The following IRGM variants were observed in gnomAD, a reference collection of about 807,000 sequenced individuals.
The protein encoded by IRGM is immunity-related GTPase family M protein.
For missense variants in IRGM, 288 were observed against 219.9 expected (o/e 1.31, Z -1.96); for synonymous variants, 98 against 80.6 (o/e 1.22, Z -1.16).
intron 1 of IRGM, among the ~76,000 whole-genome samples, chr5:150,864,066 T>C (rs1032631661): frequency 6.6e-6 from 1 of 152,106 alleles, no homozygotes; most frequent in Non-Finnish European, 1.5e-5. Context: ...CAAATACTAC[T>C]ATGCAATTTC....
At chr5:150,861,109 T>C (rs1485369356) in intron 1 of IRGM, among the ~76,000 whole-genome samples, 1 of 152,164 alleles carries the variant, frequency 6.6e-6, no homozygotes, top group African/African-American at 2.4e-5. Flanking sequence ...AGCTATAACC[T>C]CAGTCACCTG....
chr5:150,897,279 C>T (rs187813422), intron 3 of IRGM: 13 of 251,440 alleles, frequency 5.2e-5, no homozygotes, highest in Admixed American at 1.5e-4. Flanking sequence ...CCCTTTTCAC[C>T]TTTTAATTTC....
intron 3 of IRGM, among the ~76,000 whole-genome samples, chr5:150,893,720 A>G (rs940049919): frequency 6.6e-6 from 1 of 152,174 alleles, no homozygotes; most frequent in African/African-American, 2.4e-5. Flanking sequence ...GGGGAAGCTT[A>G]GTTCCACACA....
rs1261457957 is a variant in IRGM, at chr5:150,848,159, T to TG, written c.39dup (p.Asn14GlufsTer8). Reference sequence around the variant, plus strand: ...TGAATGTTGAGAAAGCCTCAGCAGATGGGAACTTGCCAGAGGTGATCTCTA... The same window carrying TG: ...TGAATGTTGAGAAAGCCTCAGCAGATGGGGAACTTGCCAGAGGTGATCTCTA... On this transcript the variant is annotated frameshift_variant, in exon 2 of 2. Transcript: ENST00000522154. LOFTEE classifies it low-confidence loss of function (END_TRUNC). The TG allele has an allele frequency of 6.5e-7, 1 of 1,550,262 alleles. No homozygotes were observed. Among genetic ancestry groups the TG allele is most frequent in the African/African-American group, 1.4e-5 (1 of 72,964 alleles).
At chr5:150,888,159 A>C (rs1377051585) in intron 3 of IRGM, among the ~76,000 whole-genome samples, 1 of 152,088 alleles carries the variant, frequency 6.6e-6, no homozygotes, top group African/African-American at 2.4e-5. Flanking sequence ...ATTTCAGACA[A>C]GAAAAAACAA....
At chr5:150,856,449 A>G (rs1390289770) in intron 1 of IRGM, among the ~76,000 whole-genome samples, 6 of 152,108 alleles carry the variant, frequency 3.9e-5, no homozygotes, top group Non-Finnish European at 1.5e-5. Flanking sequence ...ATAAATAAAT[A>G]AAAATTATAA....
At chr5:150,866,977 C>G (rs7709388) in intron 1 of IRGM, among the ~76,000 whole-genome samples, 31,132 of 152,034 alleles carry the variant, frequency 0.2, 5,059 homozygotes, top group African/African-American at 0.43. Flanking sequence ...GTACTCATTT[C>G]AGTCACTAAT....
At chr5:150,867,830 G>GT (rs796153462) in intron 1 of IRGM, among the ~76,000 whole-genome samples, 4,988 of 138,992 alleles carry the variant, frequency 0.036, 241 homozygotes, top group African/African-American at 0.12. Flanking sequence ...GGGATTATTT[G>GT]TTTTTTTTTT....
chr5:150,871,585 C>A (rs570175711), intron 1 of IRGM, among the ~76,000 whole-genome samples: 2 of 152,192 alleles, frequency 1.3e-5, no homozygotes, highest in South Asian at 4.1e-4. Flanking sequence ...CAGAGAAGGC[C>A]CCAGACTCCC....
intron 1 of IRGM, among the ~76,000 whole-genome samples, chr5:150,872,463 C>T (rs1045624162): frequency 2.0e-5 from 3 of 152,180 alleles, no homozygotes; most frequent in African/African-American, 7.2e-5. Context: ...TAGAAGCAGG[C>T]CCCTAGAGGT....
At chr5:150,882,280 C>T (rs1754457116) in intron 3 of IRGM, among the ~76,000 whole-genome samples, 2 of 138,520 alleles carry the variant, frequency 1.4e-5, no homozygotes. Flanking sequence ...CACCTAACCA[C>T]TAAAAAAGAT....
At chr5:150,871,418 G>T (rs894340109) in intron 1 of IRGM, among the ~76,000 whole-genome samples, 2 of 152,174 alleles carry the variant, frequency 1.3e-5, no homozygotes, top group African/African-American at 4.8e-5. Flanking sequence ...TTCCTAGGAC[G>T]TTGTCCTTTT....
At chr5:150,895,472 C>T in intron 3 of IRGM, 1 of 1,612,656 alleles carries the variant, frequency 6.2e-7, no homozygotes, top group Non-Finnish European at 8.5e-7. Context: ...TTAGTTGTGA[C>T]TTCTGGATGA....
At chr5:150,857,883 C>T (rs1754080708) in intron 1 of IRGM, among the ~76,000 whole-genome samples, 1 of 151,160 alleles carries the variant, frequency 6.6e-6, no homozygotes, top group Non-Finnish European at 1.5e-5. Flanking sequence ...GTTGCCTGTT[C>T]ACTCTGATGG....
rs148657625 is a variant in IRGM at position 150,871,825 on chromosome 5, A to G, written c.159-6155A>G. Among the ~76,000 whole-genome samples the G allele has an allele frequency of 9.5e-4, 144 of 152,350 alleles. 1 individual carries two copies. The highest frequency in any genetic ancestry group is 3.3e-3 in the African/African-American group (138 of 41,580). On this transcript the variant is annotated intron_variant and NMD_transcript_variant, in intron 1 of 3. Transcript: ENST00000520549. ...GTACTGTAAAAACATCACATTGTCTAACCTCATAATAATTCTCCCGGTTTG... is the reference window on the plus strand; with the variant it reads ...GTACTGTAAAAACATCACATTGTCTGACCTCATAATAATTCTCCCGGTTTG...
chr5:150,875,226 C>T (rs1011943021), intron 1 of IRGM, among the ~76,000 whole-genome samples: 2 of 152,192 alleles, frequency 1.3e-5, no homozygotes, highest in Non-Finnish European at 2.9e-5. Flanking sequence ...GCATGACATG[C>T]AGGCACCACC....
chr5:150,865,821 A>G (rs1359945211), intron 1 of IRGM, among the ~76,000 whole-genome samples: 1 of 152,116 alleles, frequency 6.6e-6, no homozygotes, highest in Non-Finnish European at 1.5e-5. Flanking sequence ...CAGTGGCACA[A>G]TCTTGGCTCA....
intron 1 of IRGM, among the ~76,000 whole-genome samples, chr5:150,856,756 C>G (rs886087240): frequency 6.6e-6 from 1 of 151,548 alleles, no homozygotes; most frequent in East Asian, 1.9e-4. Context: ...AGGTGTGAGC[C>G]ACTGCATGGG....
intron 1 of IRGM, among the ~76,000 whole-genome samples, chr5:150,875,555 G>A (rs1262879547): frequency 6.6e-6 from 1 of 152,158 alleles, no homozygotes; most frequent in Non-Finnish European, 1.5e-5. Flanking sequence ...GGCCACCTCA[G>A]CAGAGGAGGA....
Sources: allele counts gnomAD v4.1 joint callset (sites outside exome capture counted in the v4.1 genomes callset), GRCh38; gene constraint gnomAD v4.1.1; transcripts MANE v1.5; gene names NCBI Gene and HGNC (gene_info 2026-07-23, HGNC 2026-07-21).